FUT8: variants seen among roughly 807,000 people sequenced by gnomAD.
FUT8 encodes fucosyltransferase 8.
FUT8 carries 29 observed loss-of-function variants against 71.3 expected under a neutral mutation model. That is an observed-to-expected ratio of 0.41 (90% CI 0.30 to 0.55). FUT8 has a LOEUF of 0.55. Among genes scored for constraint, FUT8 ranks in the 20% least tolerant of loss-of-function variants. The probability of loss-of-function intolerance (pLI) is 0.34; values close to 1 mark genes in which losing one functional copy is unlikely to be tolerated. For synonymous variants in FUT8, 254 were observed against 239.3 expected (o/e 1.06, Z -0.57); for missense variants, 544 against 702.1 (o/e 0.77, Z 2.55).
intron 9 of FUT8, among the ~76,000 whole-genome samples, chr14:65,725,448 G>A (rs1895630590): frequency 6.6e-6 from 1 of 152,162 alleles, no homozygotes; most frequent in African/African-American, 2.4e-5. Context: ...GAGTAAACCT[G>A]GAGTTAGTCT....
chr14:65,623,438 C>A (rs562128443), intron 5 of FUT8, among the ~76,000 whole-genome samples: 1 of 152,048 alleles, frequency 6.6e-6, no homozygotes, highest in South Asian at 2.1e-4. Context: ...TTCTACTTGG[C>A]GGGGCGCGGT....
intron 2 of FUT8, among the ~76,000 whole-genome samples, chr14:65,469,168 C>A (rs80115756): frequency 0.023 from 3,430 of 152,136 alleles, 130 homozygotes; most frequent in African/African-American, 0.078. Flanking sequence ...AACAGTGAGA[C>A]CCTGTCTCAA....
chr14:65,557,451 C>G (rs1885654095), intron 2 of FUT8, among the ~76,000 whole-genome samples: 1 of 151,644 alleles, frequency 6.6e-6, no homozygotes, highest in Non-Finnish European at 1.5e-5. Context: ...TCTGCCTCAG[C>G]CTCCTAAGTA....
chr14:65,474,441 G>GGAAAAAAAAAAAAAAAAAAA lies in FUT8; in HGVS notation c.-228+18723_-228+18724insGAAAAAAAAAAAAAAAAAAA, dbSNP rs2066199474. On this transcript the variant is annotated intron_variant, in intron 2 of 10. Transcript: ENST00000673929. ...AACATGGTGAAAACCTGTCTCTACT[G>GGAAAAAAAAAAAAAAAAAAA]AAAAAAAAAAAAAAAAGCCAGGCGT... Among the ~76,000 whole-genome samples the GGAAAAAAAAAAAAAAAAAAA allele has an allele frequency of 1.8e-4, 7 of 39,692 alleles. 1 individual carries two copies. The East Asian group carries it at 0.012, about 68-fold the overall frequency. 26.0% of individuals were successfully genotyped at this position (39,692 alleles called of 152,430 possible).
chr14:65,402,484 C>A, the FUT8 span, among the ~76,000 whole-genome samples: 1 of 151,308 alleles, frequency 6.6e-6, no homozygotes, highest in African/African-American at 2.4e-5. Context: ...TTGGCTAACA[C>A]GGTGAAACCC....
chr14:65,632,874 A>C (rs1254628381), intron 6 of FUT8, among the ~76,000 whole-genome samples: 1 of 152,060 alleles, frequency 6.6e-6, no homozygotes, highest in Non-Finnish European at 1.5e-5. Context: ...TCCTTATTCC[A>C]TCTTGAGTTG....
At chr14:65,491,634 G>A (rs552909077) in intron 2 of FUT8, among the ~76,000 whole-genome samples, 2 of 152,216 alleles carry the variant, frequency 1.3e-5, no homozygotes, top group East Asian at 1.9e-4. Context: ...TTTAAAGCAC[G>A]AATTGATTTA....
chr14:65,506,669 A>G lies in FUT8; in HGVS notation c.-228+50951A>G, dbSNP rs193110323. 1.8e-4 allele frequency among the ~76,000 whole-genome samples: 28 copies of G among 152,254 alleles called. No individual in the cohort carries two copies. In the East Asian group the frequency reaches 5.2e-3, roughly 28 times the overall value. The stretch of plus-strand genomic sequence containing the variant: ...ATTTTCGCGGGTACATAGTAGGTAT[A>G]TGTATTTATGGGATACATGAGATGT... On this transcript the variant is annotated intron_variant, in intron 2 of 10. Transcript: ENST00000673929.
chr14:65,439,954 G>GTACATATATATATATATATATA (rs1378430231), intron 1 of FUT8, among the ~76,000 whole-genome samples: 5 of 74,974 alleles, frequency 6.7e-5, no homozygotes, highest in East Asian at 1.2e-3. Flanking sequence ...GTGTGTGTGT[G>GTACATATATATATATATATATA]TATATATATA....
upstream of FUT8, among the ~76,000 whole-genome samples, chr14:65,408,480 A>G (rs947339860): frequency 3.9e-5 from 6 of 152,198 alleles, no homozygotes; most frequent in African/African-American, 1.4e-4. Flanking sequence ...TAAATCTCCT[A>G]CCATATTAGG....
At chr14:65,500,137 C>T (rs1292699591) in intron 2 of FUT8, among the ~76,000 whole-genome samples, 2 of 152,174 alleles carry the variant, frequency 1.3e-5, no homozygotes, top group African/African-American at 2.4e-5. Context: ...GTTACCTTTC[C>T]AACAAGCTCC....
chr14:65,480,857 T>A (rs1312174507), intron 2 of FUT8, among the ~76,000 whole-genome samples: 1 of 152,042 alleles, frequency 6.6e-6, no homozygotes, highest in Non-Finnish European at 1.5e-5. Flanking sequence ...GGCTAATTTT[T>A]TTTTGTATTT....
At chr14:65,523,447 T>A (rs551717219) in intron 2 of FUT8, among the ~76,000 whole-genome samples, 2 of 152,228 alleles carry the variant, frequency 1.3e-5, no homozygotes, top group Non-Finnish European at 2.9e-5. Flanking sequence ...TAAATTTGTT[T>A]AAGTTCTTTG....
chr14:65,459,962 A>G lies in FUT8; in HGVS notation c.-228+4244A>G, dbSNP rs566362153. Among the ~76,000 whole-genome samples the G allele has an allele frequency of 1.1e-4, 16 of 152,364 alleles. 1 individual carries two copies. The East Asian group carries it at 3.1e-3, about 29-fold the overall frequency. ...TACAATGAAAATAGGATCCAAACAT[A>G]TAAGTATTTACTTTTGGATATTTGA... is the stretch of plus-strand genomic sequence containing the variant. On this transcript the variant is annotated intron_variant, in intron 2 of 10. Coordinates refer to ENST00000673929, the MANE Select transcript of FUT8 (RefSeq NM_001371533.1).
the FUT8 span, among the ~76,000 whole-genome samples, chr14:65,397,919 T>C: frequency 3.9e-5 from 6 of 152,208 alleles, no homozygotes; most frequent in African/African-American, 1.2e-4. The surrounding 1 kb of genome is among the most constrained non-coding windows in gnomAD (Gnocchi z 4.2). Flanking sequence ...TGTGGTACAA[T>C]TGGTTTCCTT....
intron 1 of FUT8, among the ~76,000 whole-genome samples, chr14:65,434,702 T>C (rs1029279767): frequency 1.3e-5 from 2 of 152,204 alleles, no homozygotes; most frequent in African/African-American, 2.4e-5. Flanking sequence ...GCGTTTTACA[T>C]TTTATCTTTA....
chr14:65,683,266 G>C (rs1160975982), intron 7 of FUT8, among the ~76,000 whole-genome samples: 1 of 152,078 alleles, frequency 6.6e-6, no homozygotes, highest in Non-Finnish European at 1.5e-5. Flanking sequence ...GCCCGCCTGG[G>C]CCTCCTAAAG....
At chr14:65,709,394 G>A (rs139918665) in intron 7 of FUT8, among the ~76,000 whole-genome samples, 1 of 152,108 alleles carries the variant, frequency 6.6e-6, no homozygotes, top group Non-Finnish European at 1.5e-5. Context: ...GCAGTGCCTT[G>A]ATAAAACATT....
In FUT8 at chr14:65,743,038, C is replaced by T. The variant is rs1357039351; in HGVS notation, c.*628C>T. On this transcript the variant is annotated 3_prime_UTR_variant, in exon 11 of 11. Transcript: ENST00000673929. ...AATACATCAGAAAATAAAATATTCA[C>T]TCTCCATTAGAAAATTTTGTAAAAC... 6.6e-6 allele frequency: 1 copy of T among 151,300 alleles called. No homozygotes were observed. The allele number at this position is 151,300 out of a possible 1,614,324, so 9.4% of individuals were successfully genotyped here.
Sources: allele counts gnomAD v4.1 joint callset (sites outside exome capture counted in the v4.1 genomes callset), GRCh38; gene constraint gnomAD v4.1.1; non-coding constraint Gnocchi (gnomAD v3.1); transcripts MANE v1.5; gene names NCBI Gene and HGNC (gene_info 2026-07-23, HGNC 2026-07-21).